Variants in NOTCH2NLA observed in about 807,000 individuals in gnomAD.
NOTCH2NLA encodes notch homolog 2 N-terminal-like protein A.
chr1:146,158,366 C>T (rs1243424737), intron 3 of NOTCH2NLA, among the ~76,000 whole-genome samples: 3 of 150,820 alleles, frequency 2.0e-5, no homozygotes, highest in African/African-American at 7.3e-5. Flanking sequence ...CTTCCTGTGT[C>T]CAAGTGTTCT....
chr1:146,228,846 G>A lies in NOTCH2NLA; in HGVS notation c.-182C>T, dbSNP rs782555999. On this transcript the variant is annotated 5_prime_UTR_variant, in exon 1 of 5. Transcript: ENST00000362074. ...CTGGGCAGATCCACATGGGGAGGGG[G>A]TCCCGATAGAGGAGCCCCACTCTCT... 419 of 1,502,322 alleles carry A rather than the reference G, an allele frequency of 2.8e-4. 9 individuals are homozygous for A. Among genetic ancestry groups the A allele is most frequent in the Middle Eastern group, 6.7e-4 (3 of 4,510 alleles). The allele number at this position is 1,502,322 out of a possible 1,614,324, so 93.1% of individuals were successfully genotyped here.
At chr1:146,154,245 CT>C (rs1661035613), downstream of NOTCH2NLA, 2 of 127,660 alleles carry the variant, frequency 1.6e-5, no homozygotes, top group African/African-American at 6.3e-5. Context: ...AAAGCAAAGG[CT>C]TTGAAAATAA....
chr1:146,228,519 G>A, intron 1 of NOTCH2NLA, 190 bp downstream of exon 1: 1 of 915,924 alleles, frequency 1.1e-6, no homozygotes, highest in Non-Finnish European at 1.3e-6. Context: ...GGGGAACCCC[G>A]GCGGTTGGCG....
chr1:146,219,592 A>G lies in NOTCH2NLA; in HGVS notation c.-45+9117T>C, dbSNP rs1196176001. On this transcript the variant is annotated intron_variant, in intron 1 of 4. Coordinates refer to ENST00000362074, the Ensembl canonical transcript of NOTCH2NLA. ...TAAATGAGTAAAAGACACAATTTAC[A>G]AAAGAAGTAGGAAAAAAGGCAATAC... Among the ~76,000 whole-genome samples, 4 of 105,378 alleles carry G rather than the reference A, an allele frequency of 3.8e-5. 1 individual carries two copies. The East Asian group carries it at 9.0e-4, about 24-fold the overall frequency. 69.1% of individuals were successfully genotyped at this position (105,378 alleles called of 152,430 possible). A position where few individuals can be genotyped will look rare whatever the true frequency, so the allele number is the denominator to read the frequency against.
chr1:146,171,456 T>C (rs1455430237), intron 2 of NOTCH2NLA, among the ~76,000 whole-genome samples: 1 of 133,134 alleles, frequency 7.5e-6, no homozygotes, highest in African/African-American at 2.5e-5. Flanking sequence ...TCACAGCTAG[T>C]AGATGGAAGA....
intron 2 of NOTCH2NLA, among the ~76,000 whole-genome samples, chr1:146,180,514 T>A (rs2794097): frequency 7.7e-5 from 11 of 142,694 alleles, no homozygotes; most frequent in Admixed American, 7.2e-5. Flanking sequence ...ATTTTTGGAC[T>A]CAGAGGACTA....
At chr1:146,186,591 A>G (rs1404510568) in intron 2 of NOTCH2NLA, among the ~76,000 whole-genome samples, 1 of 129,156 alleles carries the variant, frequency 7.7e-6, no homozygotes, top group Non-Finnish European at 1.8e-5. Context: ...TTGGTTGGAG[A>G]GTATGAGACT....
At chr1:146,154,119 CAT>C (rs1238726844), downstream of NOTCH2NLA, 2 of 122,700 alleles carry the variant, frequency 1.6e-5, no homozygotes, top group African/African-American at 3.2e-5. Flanking sequence ...TTTCTTATAA[CAT>C]GAACATATAT....
chr1:146,152,755 T>TA (rs1408496767), downstream of NOTCH2NLA: 9 of 127,704 alleles, frequency 7.0e-5, no homozygotes, highest in African/African-American at 2.7e-4. Context: ...TACTAACAGT[T>TA]ACTTATCCAA....
chr1:146,157,255 A>C (rs1361856860), intron 3 of NOTCH2NLA, among the ~76,000 whole-genome samples: 1 of 151,444 alleles, frequency 6.6e-6, no homozygotes, highest in Admixed American at 6.6e-5. Flanking sequence ...TAAGGAGTTC[A>C]AGACCAGCCC....
intron 2 of NOTCH2NLA, among the ~76,000 whole-genome samples, chr1:146,187,758 G>T (rs587596920): frequency 7.4e-6 from 1 of 135,958 alleles, no homozygotes; most frequent in African/African-American, 2.5e-5. Flanking sequence ...GACTAAACAA[G>T]ATTTCAGTGG....
At chr1:146,200,424 GAA>G (rs1173459520) in intron 1 of NOTCH2NLA, among the ~76,000 whole-genome samples, 13 of 16,424 alleles carry the variant, frequency 7.9e-4, no homozygotes, top group South Asian at 1.6e-3. Flanking sequence ...CTCTGCCTGA[GAA>G]AAAAAAAAAA....
Position 146,219,546 on chromosome 1 carries a change from T to C in NOTCH2NLA, c.-45+9163A>G, listed in dbSNP as rs1379314432. 2.4e-4 allele frequency among the ~76,000 whole-genome samples: 24 copies of C among 99,142 alleles called. 8 individuals carry two copies. The highest frequency in any genetic ancestry group is 1.7e-4 in the Non-Finnish European group (9 of 52,926). 65.0% of individuals were successfully genotyped at this position (99,142 alleles called of 152,430 possible). On this transcript the variant is annotated intron_variant, in intron 1 of 4. Transcript: ENST00000362074. ...CACCCTTAATATTTAAAGAGCTTTTTCAAACCAGTAAGAAAATAATTAAAT... is the reference window on the plus strand; with the variant it reads ...CACCCTTAATATTTAAAGAGCTTTTCCAAACCAGTAAGAAAATAATTAAAT...
At chr1:146,180,189 G>A (rs1346776333) in intron 2 of NOTCH2NLA, among the ~76,000 whole-genome samples, 1 of 142,818 alleles carries the variant, frequency 7.0e-6, no homozygotes, top group Admixed American at 7.1e-5. Flanking sequence ...AATCTATACA[G>A]ATTTAATACC....
At chr1:146,228,944 C>T in exon 1 of NOTCH2NLA, 5 of 1,447,180 alleles carry the variant, frequency 3.5e-6, no homozygotes, top group Non-Finnish European at 4.5e-6. Context: ...TGCCTCGACT[C>T]CCCGCGCCCC....
At chr1:146,154,020 C>A, downstream of NOTCH2NLA, 1 of 96,930 alleles carries the variant, frequency 1.0e-5, no homozygotes, top group Non-Finnish European at 2.4e-5. Flanking sequence ...CACACACACA[C>A]ACACACACAC....
intron 2 of NOTCH2NLA, among the ~76,000 whole-genome samples, chr1:146,171,452 C>G (rs1553807080): frequency 2.2e-5 from 3 of 135,268 alleles, no homozygotes; most frequent in African/African-American, 7.5e-5. Context: ...AAATTCACAG[C>G]TAGTAGATGG....
intron 1 of NOTCH2NLA, 76 bp downstream of exon 1, chr1:146,228,633 G>A (rs1252427954): frequency 6.9e-7 from 1 of 1,448,688 alleles, no homozygotes; most frequent in Admixed American, 2.7e-5. Context: ...ACACAGAGAA[G>A]GACCGAGGGG....
chr1:146,229,010 T>G, exon 1 of NOTCH2NLA: 3 of 1,358,058 alleles, frequency 2.2e-6, no homozygotes, highest in East Asian at 2.7e-5. Flanking sequence ...TGGCTGAAAC[T>G]TTCTCGGGTG....
Sources: gnomAD v4.1 joint callset for allele counts (sites outside exome capture counted in the v4.1 genomes callset) on GRCh38, gnomAD v4.1.1 for gene constraint, MANE v1.5 for transcripts, NCBI Gene and HGNC (gene_info 2026-07-23, HGNC 2026-07-21) for gene names.